The following PTPRT variants were observed in gnomAD, a reference collection of about 807,000 sequenced individuals.
PTPRT encodes the protein receptor-type tyrosine-protein phosphatase T.
In PTPRT, 56 loss-of-function variants were observed where a neutral mutation model predicts 176.8. The ratio of observed to expected loss-of-function variants is 0.32; its 90% CI spans 0.26 to 0.40. The LOEUF is 0.40. Among genes scored for constraint, PTPRT ranks in the 10% least tolerant of loss-of-function variants. PTPRT has a pLI of 1.00. For missense variants in PTPRT, 1,540 were observed against 1,908.2 expected (o/e 0.81, Z 3.60); for synonymous variants, 783 against 739.0 (o/e 1.06, Z -0.96).
intron 1 of PTPRT, among the ~76,000 whole-genome samples, chr20:43,032,059 T>C (rs4410343): frequency 0.3 from 46,000 of 151,966 alleles, 9,152 homozygotes; most frequent in African/African-American, 0.56. Flanking sequence ...CGCATGACTA[T>C]GAGTACCAGG....
At chr20:42,204,606 C>A (rs1447720290) in intron 15 of PTPRT, among the ~76,000 whole-genome samples, 1 of 152,180 alleles carries the variant, frequency 6.6e-6, no homozygotes, top group Non-Finnish European at 1.5e-5. Context: ...CGAGGTGACG[C>A]GGCCATAGCT....
intron 9 of PTPRT, among the ~76,000 whole-genome samples, chr20:42,355,763 C>A (rs1237308410): frequency 6.6e-6 from 1 of 152,114 alleles, no homozygotes; most frequent in African/African-American, 2.4e-5. Context: ...GTCCCCGTCC[C>A]CCTGCTTGGA....
At chr20:42,370,426 T>A (rs1030729180) in intron 9 of PTPRT, among the ~76,000 whole-genome samples, 12 of 152,160 alleles carry the variant, frequency 7.9e-5, no homozygotes, top group African/African-American at 2.9e-4. Flanking sequence ...GGTGGGCCTT[T>A]TCATCAGAGG....
At chr20:43,129,847 T>C (rs1255024287) in intron 1 of PTPRT, among the ~76,000 whole-genome samples, 3 of 151,872 alleles carry the variant, frequency 2.0e-5, no homozygotes, top group Admixed American at 2.0e-4. Context: ...CTCGATCTCC[T>C]GACCTCGTGA....
chr20:42,205,237 T>G (rs989497356), intron 15 of PTPRT, among the ~76,000 whole-genome samples: 2 of 152,130 alleles, frequency 1.3e-5, no homozygotes, highest in African/African-American at 4.8e-5. Flanking sequence ...CTCCCCAATT[T>G]TTCTGGTTTA....
At chr20:42,311,576 T>C (rs1389437562) in intron 12 of PTPRT, among the ~76,000 whole-genome samples, 1 of 152,200 alleles carries the variant, frequency 6.6e-6, no homozygotes. Context: ...AATATAACTC[T>C]ATCTCATCCT....
intron 25 of PTPRT, 111 bp downstream of exon 25, chr20:42,104,458 C>T: frequency 1.6e-6 from 2 of 1,258,322 alleles, no homozygotes; most frequent in South Asian, 1.7e-5. Flanking sequence ...TTCTCAGCCT[C>T]CAGAAATGTA....
intron 6 of PTPRT, among the ~76,000 whole-genome samples, chr20:42,750,764 GA>G (rs2076759036): frequency 6.6e-6 from 1 of 152,170 alleles, no homozygotes; most frequent in African/African-American, 2.4e-5. Context: ...TTTGGTTGCA[GA>G]CACTCAAGTC....
At chr20:42,503,337 G>A (rs1011859310) in intron 7 of PTPRT, among the ~76,000 whole-genome samples, 3 of 151,972 alleles carry the variant, frequency 2.0e-5, no homozygotes, top group African/African-American at 4.8e-5. Context: ...CTGAAATTGT[G>A]AGTTTAGCCA....
At chr20:43,094,926 G>A (rs2012064998) in intron 1 of PTPRT, among the ~76,000 whole-genome samples, 1 of 152,174 alleles carries the variant, frequency 6.6e-6, no homozygotes, top group African/African-American at 2.4e-5. Flanking sequence ...TACCAGGGTA[G>A]ATTTCTAAGA....
intron 1 of PTPRT, among the ~76,000 whole-genome samples, chr20:42,930,910 G>A (rs1370504570): frequency 1.3e-5 from 2 of 152,144 alleles, no homozygotes; most frequent in African/African-American, 4.8e-5. Flanking sequence ...TATGATAATA[G>A]TTGTAGCTGG....
At chr20:42,614,843 G>A (rs1304250084) in intron 7 of PTPRT, among the ~76,000 whole-genome samples, 1 of 151,970 alleles carries the variant, frequency 6.6e-6, no homozygotes, top group Non-Finnish European at 1.5e-5. Context: ...GGAAGAGCAA[G>A]TCACATCTTA....
chr20:42,453,468 T>C (rs1369756968), intron 8 of PTPRT, among the ~76,000 whole-genome samples: 1 of 152,100 alleles, frequency 6.6e-6, no homozygotes, highest in Non-Finnish European at 1.5e-5. Flanking sequence ...GTATACATAA[T>C]AATGTATGAA....
At chr20:43,133,428 G>C (rs959498398) in intron 1 of PTPRT, among the ~76,000 whole-genome samples, 2 of 152,168 alleles carry the variant, frequency 1.3e-5, no homozygotes, top group African/African-American at 2.4e-5. Flanking sequence ...AAGTAATCTG[G>C]ACAATGTCAA....
chr20:42,629,337 G>A (rs895375528), intron 7 of PTPRT, among the ~76,000 whole-genome samples: 2 of 152,158 alleles, frequency 1.3e-5, no homozygotes, highest in African/African-American at 4.8e-5. Flanking sequence ...GTCAAAGAAT[G>A]CAAAGATCAG....
At chr20:42,214,141 C>G (rs1038940656) in intron 15 of PTPRT, among the ~76,000 whole-genome samples, 1 of 152,150 alleles carries the variant, frequency 6.6e-6, no homozygotes, top group Non-Finnish European at 1.5e-5. Flanking sequence ...CCCAGGCTTT[C>G]AGAGGCAGAG....
intron 1 of PTPRT, among the ~76,000 whole-genome samples, chr20:42,979,907 A>G (rs1983171824): frequency 8.8e-6 from 1 of 114,172 alleles, no homozygotes; most frequent in South Asian, 3.9e-4. Flanking sequence ...GAACCCAGGG[A>G]GCACACAGGC....
chr20:43,051,703 C>G (rs1987051736), intron 1 of PTPRT, among the ~76,000 whole-genome samples: 1 of 147,220 alleles, frequency 6.8e-6, no homozygotes, highest in African/African-American at 2.6e-5. Flanking sequence ...TCAAATGCAA[C>G]TTATTGAACC....
intron 7 of PTPRT, among the ~76,000 whole-genome samples, chr20:42,647,528 A>G (rs1254367481): frequency 6.6e-6 from 1 of 152,158 alleles, no homozygotes; most frequent in East Asian, 1.9e-4. Context: ...GACAGCTAAT[A>G]GATGAAACCA....
Sources: gnomAD v4.1 joint callset for allele counts (sites outside exome capture counted in the v4.1 genomes callset) on GRCh38, gnomAD v4.1.1 for gene constraint, MANE v1.5 for transcripts, NCBI Gene and HGNC (gene_info 2026-07-23, HGNC 2026-07-21) for gene names.